The following MTERF3 variants were observed in gnomAD, a reference collection of about 807,000 sequenced individuals.
The protein encoded by MTERF3 is mitochondrial transcription termination factor 3, also known as transcription termination factor 3, mitochondrial.
In MTERF3, 40 loss-of-function variants were observed where a neutral mutation model predicts 40.5. The ratio of observed to expected loss-of-function variants is 0.99; its 90% CI spans 0.77 to 1.29. The LOEUF is 1.29. Ranked by LOEUF, MTERF3 falls within the 50% of genes most tolerant of loss-of-function variation. The pLI, the probability that MTERF3 is intolerant of heterozygous loss-of-function variation, is 0.00. For synonymous variants in MTERF3, 158 were observed against 166.6 expected (o/e 0.95, Z 0.40); for missense variants, 452 against 478.2 (o/e 0.95, Z 0.51).
chr8:96,243,179 C>T (rs1318904847), intron 7 of MTERF3, among the ~76,000 whole-genome samples: 1 of 152,110 alleles, frequency 6.6e-6, no homozygotes, highest in Non-Finnish European at 1.5e-5. Context: ...TTTTCAAAAA[C>T]AGGAACATGT....
intron 4 of MTERF3, among the ~76,000 whole-genome samples, chr8:96,250,395 AGTAATAAGTTGAAAAC>A (rs1394132811): frequency 6.7e-6 from 1 of 148,546 alleles, no homozygotes; most frequent in Non-Finnish European, 1.5e-5. Flanking sequence ...TTACTGACTC[AGTAATAAGTTGAAAAC>A]ATAAAAATAA....
In MTERF3 at chr8:96,257,023, A is replaced by T; in HGVS notation, c.426T>A (p.Ala142=). The T allele has an allele frequency of 6.2e-7, 1 of 1,614,048 alleles. No individual in the cohort carries two copies. Among genetic ancestry groups the T allele is most frequent in the African/African-American group, 1.3e-5 (1 of 75,052 alleles). The change falls in exon 3 of 8, where the codon GCT becomes GCA. Residue 142 remains alanine (A), a synonymous_variant. Transcript: ENST00000287025. The part of the protein sequence containing the change: ...QIIADPPLPP[A]SFTLRDYVDH... The stretch of plus-strand genomic sequence containing the variant: ...CCACATAGTCTCGAAGTGTGAATGA[A>T]GCTGGTGGCAATGGAGGGTCTGCAA...
chr8:96,253,110 G>A (rs1810215764), intron 3 of MTERF3, among the ~76,000 whole-genome samples: 1 of 152,220 alleles, frequency 6.6e-6, no homozygotes, highest in East Asian at 1.9e-4. Context: ...ATTCAGTTAT[G>A]GTTACACGTA....
At chr8:96,260,731 T>C (rs1177079066) in intron 1 of MTERF3, among the ~76,000 whole-genome samples, 2 of 152,232 alleles carry the variant, frequency 1.3e-5, no homozygotes, top group African/African-American at 4.8e-5. Flanking sequence ...TATTTACAAG[T>C]GCACTATCTT....
intron 1 of MTERF3, among the ~76,000 whole-genome samples, chr8:96,259,908 TTATTA>T (rs1316143129): frequency 6.6e-6 from 1 of 151,330 alleles, no homozygotes; most frequent in Non-Finnish European, 1.5e-5. Flanking sequence ...ATTATTATTA[TTATTA>T]TTTTTTTTGA....
At chr8:96,253,040 G>T (rs148493323) in intron 3 of MTERF3, among the ~76,000 whole-genome samples, 1 of 152,154 alleles carries the variant, frequency 6.6e-6, no homozygotes, top group Non-Finnish European at 1.5e-5. Context: ...CTAACCTCTA[G>T]GTGACCAGTC....
intron 3 of MTERF3, among the ~76,000 whole-genome samples, chr8:96,256,549 T>C (rs961561168): frequency 6.6e-5 from 10 of 152,198 alleles, no homozygotes; most frequent in Non-Finnish European, 1.3e-4. Flanking sequence ...TTAGGGCAGA[T>C]AGCAATATTT....
chr8:96,253,164 T>C (rs984883555), intron 3 of MTERF3, among the ~76,000 whole-genome samples: 16 of 152,144 alleles, frequency 1.1e-4, no homozygotes, highest in African/African-American at 3.6e-4. Flanking sequence ...CAACGTGCCC[T>C]GGAAAGTACA....
chr8:96,244,487 G>A (rs567031300), intron 6 of MTERF3, among the ~76,000 whole-genome samples: 8 of 151,796 alleles, frequency 5.3e-5, no homozygotes, highest in Non-Finnish European at 7.4e-5. Flanking sequence ...TGCAACCTCC[G>A]TTTCTTGGAT....
chr8:96,250,491 A>G (rs1321157719), intron 4 of MTERF3, among the ~76,000 whole-genome samples: 2 of 145,184 alleles, frequency 1.4e-5, no homozygotes, highest in Non-Finnish European at 3.1e-5. Flanking sequence ...TGGGCAGATC[A>G]CTTGAGGTCA....
chr8:96,239,605 T>C lies in MTERF3; in HGVS notation c.1140A>G (p.Ala380=), dbSNP rs114163304. The C allele has an allele frequency of 7.7e-5, 125 of 1,613,028 alleles. No homozygotes were observed. The African/African-American group carries it at 1.4e-3, about 18-fold the overall frequency. Residue 380 remains alanine, a synonymous_variant, in exon 8 of 8, where the codon GCA becomes GCG. Transcript: ENST00000287025. Reference sequence around the variant, plus strand: ...TGTCCAAAGAGATGTAGTTAGGTTTTGCTGGATCATACTGTGCTCTTCCTA... The same window carrying C: ...TGTCCAAAGAGATGTAGTTAGGTTTCGCTGGATCATACTGTGCTCTTCCTA... ...TYLGRAQYDP[A]KPNYISLDKL... is the part of the protein sequence containing the mutation.
At chr8:96,243,280 T>C (rs1317735611) in intron 7 of MTERF3, among the ~76,000 whole-genome samples, 1 of 152,136 alleles carries the variant, frequency 6.6e-6, no homozygotes. Flanking sequence ...GCATAGGAAA[T>C]AGGAAAAAAG....
At chr8:96,246,517 G>A (rs1320662351) in intron 4 of MTERF3, 63 bp from the exon 5 acceptor site, 9 of 1,399,036 alleles carry the variant, frequency 6.4e-6, no homozygotes, top group Non-Finnish European at 8.6e-6. Flanking sequence ...TTGAGATGGA[G>A]TCTCATGCTA....
chr8:96,256,892 T>C (rs1198266961), intron 3 of MTERF3, 70 bp downstream of exon 3: 1 of 1,396,302 alleles, frequency 7.2e-7, no homozygotes, highest in Non-Finnish European at 9.6e-7. Context: ...GATTAAATTG[T>C]TAATTTAAAA....
chr8:96,246,428 A>C lies in MTERF3; in HGVS notation c.704T>G (p.Phe235Cys), dbSNP rs1810022645. The change falls in exon 5 of 8, where the codon TTC becomes TGC. Residue 235 changes from phenylalanine to cysteine, a missense_variant. By Grantham distance (205) the Phe-to-Cys change is radical. Transcript: ENST00000287025. The part of the protein sequence containing the change: ...TRVAYLHSKN[F>C]SKADVAQMVR... ...CATCTGTGCAACATCTGCTTTACTG[A>C]AATTTTTTGAATGCAGATAAGCCAC... 1 of 1,610,396 alleles carries C rather than the reference A, an allele frequency of 6.2e-7. No individual in the cohort carries two copies. The highest frequency in any genetic ancestry group is 1.7e-5 in the Admixed American group (1 of 59,238).
In MTERF3 at chr8:96,251,176, C is replaced by G. The variant is rs1810179241; in HGVS notation, c.488-81G>C. 4.4e-6 allele frequency: 5 copies of G among 1,134,712 alleles called. No individual in the cohort carries two copies. In the Admixed American group the frequency reaches 1.2e-4, roughly 27 times the overall value. The allele number at this position is 1,134,712 out of a possible 1,614,324, so 70.3% of individuals were successfully genotyped here. A position where few individuals can be genotyped will look rare whatever the true frequency, so the allele number is the denominator to read the frequency against. On this transcript the variant is annotated intron_variant, in intron 3 of 7. Coordinates refer to ENST00000287025, the MANE Select transcript of MTERF3 (RefSeq NM_015942.5). ...TCATATACATAAGCACAAGAAATTA[C>G]TGATGGAGATCAACACCTATCCAAA...
chr8:96,250,959 G>A lies in MTERF3; in HGVS notation c.624C>T (p.Phe208=), dbSNP rs149331132. 17 of 1,607,840 alleles carry A rather than the reference G, an allele frequency of 1.1e-5. No homozygotes were observed. Among genetic ancestry groups the A allele is most frequent in the Middle Eastern group, 1.6e-4 (1 of 6,062 alleles). ...AGAAAATTGCATGATTTTTTGTCAG[G>A]AATGCTCCCAGTTGGTTATCCTCTA... ...VGIEDNQLGA[F]LTKNHAIFSE... is the part of the protein sequence containing the mutation. The change falls in exon 4 of 8, where the codon TTC becomes TTT. Residue 208 remains phenylalanine (F), a synonymous_variant. Transcript: ENST00000287025.
At chr8:96,246,651 A>G (rs904975480) in intron 4 of MTERF3, among the ~76,000 whole-genome samples, 197 bp from the exon 5 acceptor site, 3 of 152,218 alleles carry the variant, frequency 2.0e-5, no homozygotes, top group Non-Finnish European at 4.4e-5. Context: ...CCAACTCTAG[A>G]TGGTTTCCAC....
In MTERF3 at chr8:96,246,182, T is replaced by G. The variant is rs577431664; in HGVS notation, c.825+125A>C. On this transcript the variant is annotated intron_variant, in intron 5 of 7. Transcript: ENST00000287025. The stretch of plus-strand genomic sequence containing the variant: ...TTTAAACTAGCAGGATAATTCATTT[T>G]TGTACAAAAAATACCAGGAATTTAT... The G allele has an allele frequency of 1.7e-4, 164 of 981,940 alleles. No homozygotes were observed. In the African/African-American group the frequency reaches 2.2e-3, roughly 13 times the overall value. 60.8% of individuals were successfully genotyped at this position (981,940 alleles called of 1,614,324 possible).
Sources: allele counts gnomAD v4.1 joint callset (sites outside exome capture counted in the v4.1 genomes callset), GRCh38; gene constraint gnomAD v4.1.1; transcripts MANE v1.5; gene names NCBI Gene and HGNC (gene_info 2026-07-23, HGNC 2026-07-21).